Variants in ARID4B observed in about 807,000 individuals in gnomAD.
ARID4B encodes AT-rich interactive domain-containing protein 4B.
In ARID4B, 26 loss-of-function variants were observed where a neutral mutation model predicts 147.5. That is an observed-to-expected ratio of 0.18 (90% CI 0.13 to 0.24). ARID4B has a LOEUF of 0.24. Among genes scored for constraint, ARID4B ranks in the 10% least tolerant of loss-of-function variants. The pLI is 1.00. For synonymous variants in ARID4B, 512 were observed against 507.9 expected (o/e 1.01, Z -0.11); for missense variants, 1,179 against 1,511.5 (o/e 0.78, Z 3.65).
At chr1:235,209,726 G>C (rs968130408) in intron 17 of ARID4B, among the ~76,000 whole-genome samples, 1 of 151,850 alleles carries the variant, frequency 6.6e-6, no homozygotes, top group African/African-American at 2.4e-5. Context: ...ACCATGTCTG[G>C]CTAATTTTTG....
intron 21 of ARID4B, among the ~76,000 whole-genome samples, chr1:235,176,436 C>CAA (rs1558168854): frequency 1.6e-4 from 6 of 36,530 alleles, no homozygotes; most frequent in Admixed American, 3.7e-4. Flanking sequence ...AACAACATCA[C>CAA]CAAAAAAAAA....
intron 19 of ARID4B, among the ~76,000 whole-genome samples, chr1:235,191,408 C>A (rs1162551197): frequency 6.6e-6 from 1 of 151,974 alleles, no homozygotes; most frequent in Non-Finnish European, 1.5e-5. Flanking sequence ...ACCACCACAC[C>A]CGGCAAAGTT....
intron 2 of ARID4B, among the ~76,000 whole-genome samples, chr1:235,269,474 TAGAC>T (rs1345822560): frequency 6.6e-6 from 1 of 152,206 alleles, no homozygotes; most frequent in Non-Finnish European, 1.5e-5. Flanking sequence ...TGAGAAAAAG[TAGAC>T]AGACCGAAGT....
At chr1:235,270,792 T>C (rs1356277832) in intron 2 of ARID4B, among the ~76,000 whole-genome samples, 1 of 152,186 alleles carries the variant, frequency 6.6e-6, no homozygotes, top group Admixed American at 6.5e-5. Context: ...CATATTCAAA[T>C]GCAAATGAAT....
At chr1:235,197,729 T>C (rs547452819) in intron 17 of ARID4B, among the ~76,000 whole-genome samples, 11 of 152,258 alleles carry the variant, frequency 7.2e-5, no homozygotes, top group South Asian at 4.1e-4. Flanking sequence ...ATACCATATA[T>C]GGGTTTTTTT....
chr1:235,281,011 G>GA (rs999380340), intron 2 of ARID4B, among the ~76,000 whole-genome samples: 26 of 147,752 alleles, frequency 1.8e-4, no homozygotes, highest in African/African-American at 2.0e-4. Flanking sequence ...AAAGATAACA[G>GA]AAAAAAAAAA....
At chr1:235,255,219 C>CTATA (rs370660682) in intron 5 of ARID4B, among the ~76,000 whole-genome samples, 24,560 of 127,004 alleles carry the variant, frequency 0.19, 2,536 homozygotes, top group Middle Eastern at 0.23. Flanking sequence ...CTGCTGGGAG[C>CTATA]TAGATAGATA....
intron 19 of ARID4B, among the ~76,000 whole-genome samples, chr1:235,186,725 TTTTG>T (rs1475419321): frequency 5.3e-5 from 8 of 151,056 alleles, no homozygotes; most frequent in African/African-American, 1.7e-4. Context: ...AATTTAGATT[TTTTG>T]TTTTTGTTTT....
chr1:235,323,966 C>T lies in ARID4B; in HGVS notation c.6+2948G>A, dbSNP rs565274219. Among the ~76,000 whole-genome samples, 4 of 150,280 alleles carry T rather than the reference C, an allele frequency of 2.7e-5. No individual in the cohort carries two copies. In the East Asian group the frequency reaches 5.9e-4, roughly 22 times the overall value. On this transcript the variant is annotated intron_variant, in intron 2 of 23. Transcript: ENST00000264183. ...TTTCGCCGAGGCTGGAGTTCAGTGG[C>T]GCAACCTCAGCTCACTGCAACCTCC...
At chr1:235,234,118 G>A (rs999447659) in intron 9 of ARID4B, among the ~76,000 whole-genome samples, 3 of 152,076 alleles carry the variant, frequency 2.0e-5, no homozygotes, top group Non-Finnish European at 2.9e-5. Flanking sequence ...AAATACATTA[G>A]ATATGGCAAA....
chr1:235,303,584 T>C (rs1364421778), intron 2 of ARID4B, among the ~76,000 whole-genome samples: 7 of 152,048 alleles, frequency 4.6e-5, no homozygotes, highest in African/African-American at 1.7e-4. Flanking sequence ...CAGCCAGGCA[T>C]GGTGGCACAT....
chr1:235,285,136 AGT>A (rs1021734848), intron 2 of ARID4B, among the ~76,000 whole-genome samples: 17 of 152,124 alleles, frequency 1.1e-4, no homozygotes, highest in African/African-American at 3.4e-4. Context: ...TGCCTAGGCT[AGT>A]CTTAGACTCC....
intron 17 of ARID4B, among the ~76,000 whole-genome samples, chr1:235,205,754 A>C (rs578208621): frequency 1.9e-4 from 29 of 152,360 alleles, no homozygotes. Context: ...CAAATGGCTA[A>C]TAAGTACATG....
At chr1:235,197,820 A>G (rs1159604596) in intron 17 of ARID4B, among the ~76,000 whole-genome samples, 1 of 152,220 alleles carries the variant, frequency 6.6e-6, no homozygotes, top group Non-Finnish European at 1.5e-5. Context: ...GTATTCTTCT[A>G]CTAAATACAC....
chr1:235,168,668 A>C lies in ARID4B; in HGVS notation c.3812-16T>G. On this transcript the variant is annotated splice_polypyrimidine_tract_variant and intron_variant, in intron 23 of 23. Transcript: ENST00000264183. ...GTAGCAGCACCTAAGGAAAAGGGAG[A>C]CCAAACCAAGAGCTTAATAAAAATT... 1 of 1,607,308 alleles carries C rather than the reference A, an allele frequency of 6.2e-7. No individual in the cohort carries two copies. Among genetic ancestry groups the C allele is most frequent in the Non-Finnish European group, 8.5e-7 (1 of 1,176,412 alleles).
At chr1:235,267,585 C>T (rs1670684606) in intron 2 of ARID4B, among the ~76,000 whole-genome samples, 1 of 152,282 alleles carries the variant, frequency 6.6e-6, no homozygotes, top group Non-Finnish European at 1.5e-5. Context: ...GTAATCCCAG[C>T]ACTCTGGGAG....
intron 10 of ARID4B, 40 bp downstream of exon 10, chr1:235,231,072 GT>G (rs1668197539): frequency 7.3e-7 from 1 of 1,369,656 alleles, no homozygotes; most frequent in African/African-American, 1.5e-5. Flanking sequence ...CACTTTAGCA[GT>G]TTTTACAGTA....
intron 19 of ARID4B, among the ~76,000 whole-genome samples, chr1:235,189,567 A>G (rs923504947): frequency 2.0e-5 from 3 of 152,092 alleles, no homozygotes; most frequent in African/African-American, 7.2e-5. Context: ...TATATTACAG[A>G]AGGTATAATA....
intron 2 of ARID4B, among the ~76,000 whole-genome samples, chr1:235,313,678 G>C (rs1674237525): frequency 6.6e-6 from 1 of 152,166 alleles, no homozygotes; most frequent in African/African-American, 2.4e-5. Flanking sequence ...CTCTAGGCTT[G>C]GAAGTAAAAT....
Sources: allele counts gnomAD v4.1 joint callset (sites outside exome capture counted in the v4.1 genomes callset), GRCh38; gene constraint gnomAD v4.1.1; transcripts MANE v1.5; gene names NCBI Gene and HGNC (gene_info 2026-07-23, HGNC 2026-07-21).